CPA6: variants seen among roughly 807,000 people sequenced by gnomAD.
The protein encoded by CPA6 is carboxypeptidase A6.
CPA6 carries 58 observed loss-of-function variants against 63.3 expected under a neutral mutation model. The ratio of observed to expected loss-of-function variants is 0.92; its 90% CI spans 0.74 to 1.14. The LOEUF (loss-of-function observed/expected upper bound fraction) is 1.14. Ranked by LOEUF, CPA6 falls within the 50% of genes most tolerant of loss-of-function variation. The pLI, the probability that CPA6 is intolerant of heterozygous loss-of-function variation, is 0.00. For missense variants in CPA6, 565 were observed against 526.6 expected (o/e 1.07, Z -0.71); for synonymous variants, 185 against 179.0 (o/e 1.03, Z -0.27).
At chr8:67,555,187 T>C (rs984766293) in intron 2 of CPA6, among the ~76,000 whole-genome samples, 6 of 152,150 alleles carry the variant, frequency 3.9e-5, no homozygotes, top group African/African-American at 9.7e-5. Context: ...ATGCTAACTC[T>C]TAGAGTTGGG....
intron 8 of CPA6, among the ~76,000 whole-genome samples, chr8:67,454,745 A>C (rs1392791906): frequency 6.6e-6 from 1 of 152,248 alleles, no homozygotes. Flanking sequence ...CTAATGAAAC[A>C]GCATACATCT....
intron 1 of CPA6, among the ~76,000 whole-genome samples, chr8:67,666,316 T>G (rs184926487): frequency 2.4e-4 from 37 of 152,200 alleles, no homozygotes; most frequent in African/African-American, 8.4e-4. Flanking sequence ...ATCACAGAAG[T>G]GGGCAGAAGA....
chr8:67,586,717 T>G (rs533481790), intron 2 of CPA6, among the ~76,000 whole-genome samples: 3 of 152,084 alleles, frequency 2.0e-5, no homozygotes, highest in African/African-American at 7.2e-5. Context: ...ACTCATTAGG[T>G]GATGTTGTTG....
At chr8:67,490,949 T>C (rs930448270) in intron 6 of CPA6, among the ~76,000 whole-genome samples, 7 of 152,128 alleles carry the variant, frequency 4.6e-5, no homozygotes, top group African/African-American at 1.4e-4. Flanking sequence ...AAAACTTTCT[T>C]CTATTTTTAC....
intron 2 of CPA6, among the ~76,000 whole-genome samples, chr8:67,549,851 C>T (rs981972061): frequency 3.9e-5 from 6 of 152,112 alleles, no homozygotes; most frequent in Non-Finnish European, 7.4e-5. Context: ...TTCCCTTGTT[C>T]GTATATAAAC....
At chr8:67,460,752 A>G (rs1810781298) in intron 8 of CPA6, among the ~76,000 whole-genome samples, 1 of 152,214 alleles carries the variant, frequency 6.6e-6, no homozygotes, top group Non-Finnish European at 1.5e-5. Context: ...GTTTTTGCTG[A>G]TATACTTGTT....
At chr8:67,688,151 G>A (rs532634681) in intron 1 of CPA6, among the ~76,000 whole-genome samples, 21 of 152,238 alleles carry the variant, frequency 1.4e-4, no homozygotes, top group Middle Eastern at 3.4e-3. Flanking sequence ...TCCAGCCTGG[G>A]CATCAGTGTG....
intron 8 of CPA6, among the ~76,000 whole-genome samples, chr8:67,449,383 C>T (rs1810504965): frequency 6.6e-6 from 1 of 152,240 alleles, no homozygotes; most frequent in South Asian, 2.1e-4. Flanking sequence ...TGCTCTGATA[C>T]AGGCAAGAGA....
intron 1 of CPA6, among the ~76,000 whole-genome samples, chr8:67,673,510 AG>A (rs1171717133): frequency 3.3e-5 from 5 of 149,828 alleles, no homozygotes; most frequent in African/African-American, 1.2e-4. Flanking sequence ...CAGCCTCCTG[AG>A]TAGCTGGGAC....
intron 2 of CPA6, among the ~76,000 whole-genome samples, chr8:67,567,476 C>T (rs556003459): frequency 3.4e-4 from 52 of 152,246 alleles, no homozygotes; most frequent in African/African-American, 1.1e-3. Flanking sequence ...TTCTTCAGGA[C>T]ATTTAACTGG....
At chr8:67,506,470 AT>A (rs1407266569) in intron 6 of CPA6, among the ~76,000 whole-genome samples, 1 of 152,168 alleles carries the variant, frequency 6.6e-6, no homozygotes, top group Non-Finnish European at 1.5e-5. Context: ...AACACCACAG[AT>A]TGGGTTTTTA....
intron 1 of CPA6, among the ~76,000 whole-genome samples, chr8:67,666,453 C>T (rs1482254241): frequency 1.3e-5 from 2 of 152,100 alleles, no homozygotes; most frequent in African/African-American, 2.4e-5. Context: ...CAGCGGAGGG[C>T]CCTGGTAGCA....
intron 8 of CPA6, among the ~76,000 whole-genome samples, chr8:67,477,307 A>T (rs1005025918): frequency 4.6e-4 from 69 of 150,470 alleles, no homozygotes; most frequent in Admixed American, 9.9e-4. Flanking sequence ...AAAAAAAAAA[A>T]AAGGAAAAAA....
chr8:67,539,301 C>T (rs1812656394), intron 2 of CPA6, among the ~76,000 whole-genome samples: 2 of 152,188 alleles, frequency 1.3e-5, no homozygotes, highest in South Asian at 4.1e-4. Flanking sequence ...AAATTCTTTT[C>T]TTTAAGAACG....
At position 67,509,587 on chromosome 8, in the gene CPA6, G is replaced by A. The variant is rs1812002553; in HGVS notation, c.464C>T (p.Thr155Ile). The A allele has an allele frequency of 9.4e-6, 15 of 1,594,564 alleles. No homozygotes were observed. Among genetic ancestry groups the A allele is most frequent in the African/African-American group, 1.3e-5 (1 of 74,332 alleles). Residue 155 changes from threonine (T) to isoleucine (I), a missense_variant, in exon 5 of 11, where the codon ACT becomes ATT. Coordinates refer to ENST00000297770, the MANE Select transcript of CPA6 (RefSeq NM_020361.5). ...IQNWMHHLNK[T>I]HSGLIHMFSI... ...GAACATGTGAATGAGGCCTGAGTGA[G>A]TTTTATTCAGATGATGCATCCAATT...
At chr8:67,440,373 C>T (rs752061451) in intron 8 of CPA6, among the ~76,000 whole-genome samples, 1 of 152,014 alleles carries the variant, frequency 6.6e-6, no homozygotes, top group African/African-American at 2.4e-5. Flanking sequence ...GAGTTTGAGA[C>T]CAGCCTGGCC....
chr8:67,502,301 T>C (rs1811844671), intron 6 of CPA6, among the ~76,000 whole-genome samples: 1 of 152,014 alleles, frequency 6.6e-6, no homozygotes, highest in Non-Finnish European at 1.5e-5. Context: ...CTACAAAAAA[T>C]AATTTAAAAA....
chr8:67,680,312 G>A (rs1362800908), intron 1 of CPA6, among the ~76,000 whole-genome samples: 2 of 152,058 alleles, frequency 1.3e-5, no homozygotes, highest in East Asian at 3.9e-4. Context: ...GAACAGCCGG[G>A]GAAACATTGG....
intron 2 of CPA6, among the ~76,000 whole-genome samples, chr8:67,557,729 T>C (rs1424717032): frequency 1.3e-5 from 2 of 152,162 alleles, no homozygotes; most frequent in Non-Finnish European, 2.9e-5. Flanking sequence ...TTCTAAATTG[T>C]AATAATCCTA....
Sources: allele counts gnomAD v4.1 joint callset (sites outside exome capture counted in the v4.1 genomes callset), GRCh38; gene constraint gnomAD v4.1.1; transcripts MANE v1.5; gene names NCBI Gene and HGNC (gene_info 2026-07-23, HGNC 2026-07-21).